The following ZNF804A variants were observed in gnomAD, a reference collection of about 807,000 sequenced individuals.
ZNF804A encodes zinc finger protein 804A.
In ZNF804A, 2 loss-of-function variants were observed where a neutral mutation model predicts 16.5. The observed-to-expected ratio is 0.12, with a 90% CI of 0.05 to 0.38. The LOEUF is 0.38. Ranked by LOEUF, ZNF804A falls within the 10% of genes least tolerant of loss-of-function variation. The pLI is 0.99. For synonymous variants in ZNF804A, 534 were observed against 489.6 expected (o/e 1.09, Z -1.20); for missense variants, 1,473 against 1,390.7 (o/e 1.06, Z -0.94).
chr2:184,887,791 A>G (rs1684919875), intron 2 of ZNF804A, among the ~76,000 whole-genome samples: 1 of 152,284 alleles, frequency 6.6e-6, no homozygotes, highest in East Asian at 1.9e-4. Flanking sequence ...GAATTCTGGG[A>G]GATACAATTC....
chr2:184,886,962 T>C (rs1684901318), intron 2 of ZNF804A, among the ~76,000 whole-genome samples: 1 of 152,252 alleles, frequency 6.6e-6, no homozygotes, highest in East Asian at 1.9e-4. Flanking sequence ...TTAAACAAAT[T>C]TCTGCAGAAA....
intron 1 of ZNF804A, among the ~76,000 whole-genome samples, chr2:184,768,195 T>C (rs1043006461): frequency 1.3e-5 from 2 of 152,074 alleles, no homozygotes; most frequent in Admixed American, 6.6e-5. Flanking sequence ...TTAGGTATCA[T>C]AAGTAATCTA....
intron 1 of ZNF804A, among the ~76,000 whole-genome samples, chr2:184,824,146 A>T (rs1275201814): frequency 1.3e-5 from 2 of 152,148 alleles, no homozygotes; most frequent in Non-Finnish European, 2.9e-5. Flanking sequence ...AGTAGCCTAT[A>T]ACTCAGGCAG....
chr2:184,678,059 GTAA>G (rs1692469185), intron 1 of ZNF804A, among the ~76,000 whole-genome samples: 1 of 151,982 alleles, frequency 6.6e-6, no homozygotes, highest in Non-Finnish European at 1.5e-5. Context: ...CAGAAGCACA[GTAA>G]TAATTAATTA....
intron 2 of ZNF804A, among the ~76,000 whole-genome samples, chr2:184,899,910 A>C (rs1685150918): frequency 6.6e-6 from 1 of 152,028 alleles, no homozygotes; most frequent in Non-Finnish European, 1.5e-5. Context: ...AAAGAAAATG[A>C]GATACATTTT....
chr2:184,768,536 G>A (rs2105767249), intron 1 of ZNF804A, among the ~76,000 whole-genome samples: 1 of 152,120 alleles, frequency 6.6e-6, no homozygotes, highest in South Asian at 2.1e-4. Context: ...GCTTGTAAAA[G>A]CACAGATTAC....
intron 1 of ZNF804A, among the ~76,000 whole-genome samples, chr2:184,604,619 A>G (rs1018297664): frequency 2.6e-5 from 4 of 152,132 alleles, no homozygotes; most frequent in African/African-American, 9.7e-5. Flanking sequence ...GTTGAAATGA[A>G]GTTGGAAGAA....
At chr2:184,761,945 A>C (rs1694041808) in intron 1 of ZNF804A, among the ~76,000 whole-genome samples, 1 of 152,146 alleles carries the variant, frequency 6.6e-6, no homozygotes, top group African/African-American at 2.4e-5. Context: ...CCATCTTCTG[A>C]AGAAGGCTAT....
At chr2:184,873,262 C>T (rs777809476) in intron 2 of ZNF804A, among the ~76,000 whole-genome samples, 24 of 152,052 alleles carry the variant, frequency 1.6e-4, no homozygotes, top group Non-Finnish European at 2.6e-4. Context: ...CTGAGGCTGG[C>T]GGGTTGATTG....
chr2:184,899,932 C>T (rs1004393817), intron 2 of ZNF804A, among the ~76,000 whole-genome samples: 48 of 151,746 alleles, frequency 3.2e-4, no homozygotes, highest in Non-Finnish European at 5.5e-4. Flanking sequence ...AAGATAAATA[C>T]AATTATTTTT....
chr2:184,825,963 C>T (rs1047861596), intron 1 of ZNF804A, among the ~76,000 whole-genome samples: 1 of 151,990 alleles, frequency 6.6e-6, no homozygotes, highest in African/African-American at 2.4e-5. Context: ...CCTCCATTTC[C>T]CAGAGTCAAG....
chr2:184,601,149 T>C (rs1691037786), intron 1 of ZNF804A, among the ~76,000 whole-genome samples: 2 of 152,216 alleles, frequency 1.3e-5, no homozygotes, highest in African/African-American at 2.4e-5. Context: ...ATGATGTGAA[T>C]ATATTTGAAA....
At chr2:184,783,626 A>G (rs1020930092) in intron 1 of ZNF804A, among the ~76,000 whole-genome samples, 1 of 151,808 alleles carries the variant, frequency 6.6e-6, no homozygotes, top group African/African-American at 2.4e-5. Flanking sequence ...TGTTTTATCT[A>G]TGAATGGAAA....
At chr2:184,787,662 G>T (rs1694469510) in intron 1 of ZNF804A, among the ~76,000 whole-genome samples, 1 of 151,758 alleles carries the variant, frequency 6.6e-6, no homozygotes, top group Non-Finnish European at 1.5e-5. Flanking sequence ...TCTTTTGAGA[G>T]ATATCTGTTC....
chr2:184,673,982 G>T (rs1044593053), intron 1 of ZNF804A, among the ~76,000 whole-genome samples: 2 of 151,956 alleles, frequency 1.3e-5, no homozygotes, highest in Admixed American at 6.6e-5. Flanking sequence ...TATCTCACCC[G>T]CTAGTGAAAT....
At position 184,925,289 on chromosome 2, in the gene ZNF804A, CTTCT is replaced by C. The variant is rs368182688; in HGVS notation, c.256-8311_256-8308del. The stretch of plus-strand genomic sequence containing the variant: ...GATCTTTTTGTCGTTATATAGTGAC[CTTCT>C]TTGTCTTTTCTTATAGTTGTTGTCA... On this transcript the variant is annotated intron_variant, in intron 2 of 3. Transcript: ENST00000302277. Among the ~76,000 whole-genome samples the C allele has an allele frequency of 6.2e-3, 940 of 151,682 alleles. 9 individuals carry two copies. Among genetic ancestry groups the C allele is most frequent in the Middle Eastern group, 0.062 (18 of 292 alleles).
intron 1 of ZNF804A, among the ~76,000 whole-genome samples, chr2:184,818,634 C>T (rs1262059771): frequency 7.9e-5 from 12 of 151,922 alleles, no homozygotes; most frequent in Non-Finnish European, 1.6e-4. Flanking sequence ...AGTCATGGCC[C>T]ATTGATATGC....
chr2:184,805,147 G>C lies in ZNF804A; in HGVS notation c.112-61222G>C, dbSNP rs532294953. Among the ~76,000 whole-genome samples, 3 of 152,230 alleles carry C rather than the reference G, an allele frequency of 2.0e-5. No individual in the cohort carries two copies. The East Asian group carries it at 5.8e-4, about 29-fold the overall frequency. On this transcript the variant is annotated intron_variant, in intron 1 of 3. Coordinates refer to ENST00000302277, the MANE Select transcript of ZNF804A (RefSeq NM_194250.2). The stretch of plus-strand genomic sequence containing the variant: ...AGAAACATAAAAGCTTAAGTTCCTT[G>C]AATTACAATTTTCCTTAAGAACCTC...
At chr2:184,770,214 T>A (rs924430681) in intron 1 of ZNF804A, among the ~76,000 whole-genome samples, 1 of 152,106 alleles carries the variant, frequency 6.6e-6, no homozygotes, top group African/African-American at 2.4e-5. Context: ...GAAGTTATAG[T>A]AACAAATTGT....
Sources: gnomAD v4.1 joint callset for allele counts (sites outside exome capture counted in the v4.1 genomes callset) on GRCh38, gnomAD v4.1.1 for gene constraint, MANE v1.5 for transcripts, NCBI Gene and HGNC (gene_info 2026-07-23, HGNC 2026-07-21) for gene names.